Variants in NELL2 observed in about 807,000 individuals in gnomAD.
NELL2 encodes the protein protein kinase C-binding protein NELL2.
Under a neutral mutation model 109.6 loss-of-function variants are expected in NELL2, and 41 were observed. The ratio of observed to expected loss-of-function variants is 0.37; its 90% CI spans 0.29 to 0.49. NELL2 has a LOEUF of 0.49. Among genes scored for constraint, NELL2 ranks in the 20% least tolerant of loss-of-function variants. The probability of loss-of-function intolerance (pLI) is 0.98; values close to 1 mark genes in which losing one functional copy is unlikely to be tolerated. For missense variants in NELL2, 900 were observed against 1,008.3 expected, an observed-to-expected ratio of 0.89 and a Z score of 1.45; for synonymous variants, 355 against 344.7, an observed-to-expected ratio of 1.03 and a Z score of -0.33.
At chr12:44,602,518 T>C (rs1439749455) in intron 15 of NELL2, among the ~76,000 whole-genome samples, 1 of 152,192 alleles carries the variant, frequency 6.6e-6, no homozygotes, top group Non-Finnish European at 1.5e-5. Context: ...AAAATAAAAC[T>C]AAAAAATTCT....
chr12:44,889,851 C>T (rs1457538558), intron 1 of NELL2, among the ~76,000 whole-genome samples: 1 of 152,054 alleles, frequency 6.6e-6, no homozygotes, highest in Non-Finnish European at 1.5e-5. Context: ...AAGTTCAGTC[C>T]TCAGGATGCA....
intron 12 of NELL2, among the ~76,000 whole-genome samples, chr12:44,694,390 A>G (rs60629070): frequency 0.061 from 9,338 of 152,040 alleles, 951 homozygotes; most frequent in African/African-American, 0.21. Context: ...CTGAAACTAT[A>G]CCACTGGCTC....
chr12:44,766,636 C>T (rs922411123), intron 9 of NELL2, among the ~76,000 whole-genome samples: 4 of 152,136 alleles, frequency 2.6e-5, no homozygotes, highest in African/African-American at 9.7e-5. Context: ...AATTGGGTCT[C>T]CTATGAATGA....
chr12:44,521,389 G>T (rs1592061731), intron 18 of NELL2, among the ~76,000 whole-genome samples: 1 of 151,718 alleles, frequency 6.6e-6, no homozygotes, highest in Non-Finnish European at 1.5e-5. Context: ...AATTAGCCGG[G>T]CGTAGTGGCG....
chr12:44,660,807 T>C (rs1947714645), intron 13 of NELL2, among the ~76,000 whole-genome samples: 1 of 152,182 alleles, frequency 6.6e-6, no homozygotes, highest in African/African-American at 2.4e-5. Flanking sequence ...GAGTGTCTCT[T>C]CACTCAGATC....
chr12:44,611,119 G>T, intron 13 of NELL2, 149 bp from the exon 14 acceptor site: 1 of 731,818 alleles, frequency 1.4e-6, no homozygotes, highest in Non-Finnish European at 2.2e-6. Flanking sequence ...AGATTTTGAA[G>T]TATTATATAC....
intron 9 of NELL2, 64 bp downstream of exon 9, chr12:44,774,683 A>G (rs1336677505): frequency 7.7e-7 from 1 of 1,302,508 alleles, no homozygotes; most frequent in African/African-American, 1.5e-5. Flanking sequence ...ATGATGGGTG[A>G]ATACTTATTA....
chr12:44,633,202 T>G (rs1946518155), intron 13 of NELL2, among the ~76,000 whole-genome samples: 2 of 152,174 alleles, frequency 1.3e-5, no homozygotes, highest in Middle Eastern at 6.8e-3. Context: ...CAGAGAGACA[T>G]GATAAAAGGG....
chr12:44,679,378 G>A (rs1948423717), intron 12 of NELL2, among the ~76,000 whole-genome samples: 1 of 152,116 alleles, frequency 6.6e-6, no homozygotes, highest in South Asian at 2.1e-4. Context: ...GGAAATGAGC[G>A]AAAACTCTGC....
chr12:44,732,260 GA>G (rs1939409900), intron 9 of NELL2, among the ~76,000 whole-genome samples: 1 of 151,812 alleles, frequency 6.6e-6, no homozygotes, highest in Non-Finnish European at 1.5e-5. Flanking sequence ...CTAAATAGCT[GA>G]AAAAATCTTG....
In NELL2 at chr12:44,684,816, C is replaced by T. The variant is rs11531203; in HGVS notation, c.1318+18910G>A. Among the ~76,000 whole-genome samples, 190 of 152,216 alleles carry T rather than the reference C, an allele frequency of 1.2e-3. 2 individuals are homozygous for T. The East Asian group carries it at 0.026, about 21-fold the overall frequency. On this transcript the variant is annotated intron_variant, in intron 12 of 19. Transcript: ENST00000429094. The stretch of plus-strand genomic sequence containing the variant: ...TATAATTTCTGTTCTTTTACATTTG[C>T]TGAGGAGTGCTTTACTTCCAACTAT...
intron 10 of NELL2, among the ~76,000 whole-genome samples, chr12:44,713,582 A>G (rs189241038): frequency 6.6e-6 from 1 of 152,078 alleles, no homozygotes; most frequent in Admixed American, 6.6e-5. Flanking sequence ...AACCTACATC[A>G]TTGGAAAGCT....
chr12:44,880,259 G>C (rs1401071124), upstream of NELL2, among the ~76,000 whole-genome samples: 2 of 151,682 alleles, frequency 1.3e-5, no homozygotes, highest in Admixed American at 1.3e-4. Context: ...TTTTTAAAGG[G>C]ATATAAAAGA....
At chr12:44,749,245 A>G (rs987825929) in intron 9 of NELL2, among the ~76,000 whole-genome samples, 2 of 152,192 alleles carry the variant, frequency 1.3e-5, no homozygotes, top group African/African-American at 2.4e-5. Flanking sequence ...AGCAGGAACT[A>G]CTGTAAAGGT....
chr12:44,608,140 C>T (rs183558561), intron 14 of NELL2, among the ~76,000 whole-genome samples: 1 of 152,212 alleles, frequency 6.6e-6, no homozygotes, highest in South Asian at 2.1e-4. Context: ...TAAGGCTCAG[C>T]AGCTGCTTCC....
intron 13 of NELL2, among the ~76,000 whole-genome samples, chr12:44,623,485 A>AT (rs1272725409): frequency 1.3e-5 from 2 of 152,048 alleles, no homozygotes; most frequent in Middle Eastern, 3.2e-3. Context: ...TTTATATCAT[A>AT]TTTTTTTAAA....
intron 15 of NELL2, among the ~76,000 whole-genome samples, chr12:44,553,131 A>C: frequency 2.2e-5 from 1 of 45,096 alleles, no homozygotes; most frequent in African/African-American, 9.2e-5. Flanking sequence ...GGGTCGGGGG[A>C]GGGGGGAGGG....
chr12:44,845,711 A>G (rs1321315487), intron 2 of NELL2, among the ~76,000 whole-genome samples: 1 of 152,220 alleles, frequency 6.6e-6, no homozygotes, highest in Non-Finnish European at 1.5e-5. Context: ...AACTTTGTGA[A>G]CCAGAGATTT....
At chr12:44,745,401 T>A (rs1427017114) in intron 9 of NELL2, among the ~76,000 whole-genome samples, 1 of 152,178 alleles carries the variant, frequency 6.6e-6, no homozygotes, top group Non-Finnish European at 1.5e-5. Context: ...AAGACAGGGA[T>A]GCCCTCTCTC....
Sources: allele counts gnomAD v4.1 joint callset (sites outside exome capture counted in the v4.1 genomes callset), GRCh38; gene constraint gnomAD v4.1.1; transcripts MANE v1.5; gene names NCBI Gene and HGNC (gene_info 2026-07-23, HGNC 2026-07-21).